AKAP9: variants seen among roughly 807,000 people sequenced by gnomAD.
AKAP9 encodes A-kinase anchor protein 9.
A neutral mutation model predicts 488.5 loss-of-function variants in AKAP9; 311 were observed. The ratio of observed to expected loss-of-function variants is 0.64; its 90% CI spans 0.58 to 0.70. The LOEUF is 0.70. AKAP9 is among the 30% of genes least tolerant of loss of function. The probability of loss-of-function intolerance (pLI) is 0.00; values close to 1 mark genes in which losing one functional copy is unlikely to be tolerated. For missense variants in AKAP9, 4,215 were observed against 4,374.5 expected (o/e 0.96, Z 1.03); for synonymous variants, 1,462 against 1,483.5 (o/e 0.99, Z 0.33).
intron 8 of AKAP9, among the ~76,000 whole-genome samples, chr7:92,006,664 A>G (rs1331787789): frequency 6.6e-6 from 1 of 152,168 alleles, no homozygotes; most frequent in African/African-American, 2.4e-5. Context: ...CAGCCTAAAT[A>G]TGCTTGAAAT....
intron 21 of AKAP9, among the ~76,000 whole-genome samples, chr7:92,051,423 G>A (rs947473383): frequency 6.6e-6 from 1 of 152,198 alleles, no homozygotes; most frequent in African/African-American, 2.4e-5. Flanking sequence ...TAGCTGATGT[G>A]TTTTTTACTT....
chr7:91,994,610 TTTTC>T lies in AKAP9; in HGVS notation c.577-6_577-3del. 6.2e-7 allele frequency: 1 copy of T among 1,608,276 alleles called. No individual in the cohort carries two copies. The highest frequency in any genetic ancestry group is 8.5e-7 in the Non-Finnish European group (1 of 1,176,892). Reference sequence around the variant, plus strand: ...AAAAAAATAAATCTAGCACTTACTATTTTCTTTCAGTTACAAGAATTTGAAGCTG... The same window carrying T: ...AAAAAAATAAATCTAGCACTTACTATTTTCAGTTACAAGAATTTGAAGCTG... On this transcript the variant is annotated splice_region_variant and splice_polypyrimidine_tract_variant and intron_variant, in intron 5 of 49. Transcript: ENST00000356239.
rs1479736694 is a variant in AKAP9, at chr7:92,012,524, A to G, written c.3414A>G (p.Glu1138=). ...AGGTTCGTGAATATATGGAAAATGA[A>G]AAAGATAAAGCTCTTTGCAGTCTTA... ...VDQVREYMEN[E]KDKALCSLKE... is the part of the protein sequence containing the mutation. The change falls in exon 9 of 50, where the codon GAA becomes GAG. Residue 1138 remains glutamate (E), a synonymous_variant. Coordinates refer to ENST00000356239, the MANE Select transcript of AKAP9 (RefSeq NM_005751.5). The G allele has an allele frequency of 6.2e-7, 1 of 1,614,074 alleles. No individual in the cohort carries two copies. Among genetic ancestry groups the G allele is most frequent in the Non-Finnish European group, 8.5e-7 (1 of 1,179,954 alleles).
rs758715745 is a variant in AKAP9 at position 92,012,417 on chromosome 7, G to A, written c.3319-12G>A. The stretch of plus-strand genomic sequence containing the variant: ...TAAGAATATTATAATGTTTACATAT[G>A]TTTACTTTAAGAATGATTTAAGGCT... On this transcript the variant is annotated splice_polypyrimidine_tract_variant and intron_variant, in intron 8 of 49. Transcript: ENST00000356239. The A allele has an allele frequency of 1.2e-6, 2 of 1,604,478 alleles. No individual in the cohort carries two copies. Among genetic ancestry groups the A allele is most frequent in the East Asian group, 2.2e-5 (1 of 44,780 alleles).
At chr7:92,085,076 A>G in intron 35 of AKAP9, 136 bp downstream of exon 35, 2 of 961,504 alleles carry the variant, frequency 2.1e-6, no homozygotes, top group Non-Finnish European at 3.2e-6. Context: ...TGAGAGATCT[A>G]TTTTATTTCC....
In AKAP9 at chr7:92,072,984, T is replaced by C. The variant is rs574359213; in HGVS notation, c.6612+1975T>C. Among the ~76,000 whole-genome samples the C allele has an allele frequency of 1.7e-3, 266 of 152,286 alleles. 1 individual carries two copies. Among genetic ancestry groups the C allele is most frequent in the Non-Finnish European group, 2.6e-3 (178 of 68,030 alleles). ...TGAAAAGGAGTTCCTCTCAGATTTCTGTGAGTCTGAAGCCCTTGTGATACT... is the reference window on the plus strand; with the variant it reads ...TGAAAAGGAGTTCCTCTCAGATTTCCGTGAGTCTGAAGCCCTTGTGATACT... On this transcript the variant is annotated intron_variant, in intron 28 of 49. Transcript: ENST00000356239.
Position 92,001,826 on chromosome 7 carries a change from C to T in AKAP9, c.1909C>T (p.Leu637Phe). 1.2e-6 allele frequency: 2 copies of T among 1,613,352 alleles called. No individual in the cohort carries two copies. The highest frequency in any genetic ancestry group is 1.7e-6 in the Non-Finnish European group (2 of 1,179,592). ...GCTTCTATTTAGTCACGAAGAAGAGCTTTCCAAACTGAAGGAAGATTTAGA... is the reference window on the plus strand; with the variant it reads ...GCTTCTATTTAGTCACGAAGAAGAGTTTTCCAAACTGAAGGAAGATTTAGA... Reference protein sequence around the residue: ...TQLLFSHEEELSKLKEDLEIE... With the variant: ...TQLLFSHEEEFSKLKEDLEIE... Residue 637 changes from leucine (L) to phenylalanine (F), a missense_variant, in exon 8 of 50, where the codon CTT (leucine) becomes TTT (phenylalanine). By Grantham distance (22) the Leu-to-Phe change is conservative. Around this residue, in one of 5 missense-constraint regions of AKAP9, gnomAD observed 2,361 missense variants for 2,430.0 expected, o/e 0.97. Coordinates refer to ENST00000356239, the MANE Select transcript of AKAP9 (RefSeq NM_005751.5).
In AKAP9 at chr7:92,096,769, G is replaced by A. The variant is rs200902686; in HGVS notation, c.9810G>A (p.Leu3270=). The change falls in exon 41 of 50, where the codon CTG becomes CTA. Residue 3270 remains leucine (L), a synonymous_variant. Transcript: ENST00000356239. The part of the protein sequence containing the change: ...NLLLEQQKQL[L]NESQQKIESQ... ...TTTTGGAACAACAGAAACAACTACTGAACGAATCCCAGCAAAAAATAGAAT... is the reference window on the plus strand; with the variant it reads ...TTTTGGAACAACAGAAACAACTACTAAACGAATCCCAGCAAAAAATAGAAT... The A allele has an allele frequency of 6.2e-7, 1 of 1,614,192 alleles. No homozygotes were observed. The highest frequency in any genetic ancestry group is 1.3e-5 in the African/African-American group (1 of 75,038).
At chr7:92,024,490 G>A (rs561033272) in intron 14 of AKAP9, among the ~76,000 whole-genome samples, 1 of 150,530 alleles carries the variant, frequency 6.6e-6, no homozygotes, top group Admixed American at 6.6e-5. Context: ...ATTTGGAGGG[G>A]GTAGATTCAT....
chr7:92,017,782 A>T (rs954579991), intron 12 of AKAP9, among the ~76,000 whole-genome samples: 2 of 151,888 alleles, frequency 1.3e-5, no homozygotes, highest in African/African-American at 4.8e-5. Flanking sequence ...CTTCCTCTCC[A>T]TCTCTCTCCC....
At chr7:92,082,866 A>T (rs757098405) in intron 32 of AKAP9, among the ~76,000 whole-genome samples, 19 of 152,162 alleles carry the variant, frequency 1.2e-4, no homozygotes, top group Non-Finnish European at 2.8e-4. Context: ...CTTTCTTAGG[A>T]GGATACTTTT....
chr7:92,065,206 C>A, intron 24 of AKAP9, 25 bp from the exon 25 acceptor site: 2 of 1,409,280 alleles, frequency 1.4e-6, no homozygotes, highest in South Asian at 1.2e-5. Context: ...TGATTTAATT[C>A]AGTATATTTT....
Position 92,042,843 on chromosome 7 carries a change from T to A in AKAP9, c.5162+72T>A, listed in dbSNP as rs544133340. On this transcript the variant is annotated intron_variant, in intron 20 of 49. Coordinates refer to ENST00000356239, the MANE Select transcript of AKAP9 (RefSeq NM_005751.5). The stretch of plus-strand genomic sequence containing the variant: ...TGTTTCAATGTAATAGACTTTGTCC[T>A]TATTTTTATCTTGTACATTGATACT... 1.6e-3 allele frequency: 1,660 copies of A among 1,058,064 alleles called. 3 individuals carry two copies. Among genetic ancestry groups the A allele is most frequent in the Non-Finnish European group, 1.4e-3 (982 of 686,728 alleles). 65.5% of individuals were successfully genotyped at this position (1,058,064 alleles called of 1,614,324 possible). A position where few individuals can be genotyped will look rare whatever the true frequency, so the allele number is the denominator to read the frequency against.
At chr7:92,076,616 C>T (rs1812629544) in intron 28 of AKAP9, among the ~76,000 whole-genome samples, 1 of 152,208 alleles carries the variant, frequency 6.6e-6, no homozygotes, top group Non-Finnish European at 1.5e-5. Flanking sequence ...TTTTATCCTT[C>T]CTCAGGAGGT....
intron 12 of AKAP9, among the ~76,000 whole-genome samples, chr7:92,018,707 C>A (rs1009996841): frequency 5.3e-5 from 8 of 152,098 alleles, no homozygotes; most frequent in Non-Finnish European, 1.0e-4. Context: ...CTTTTCAAGC[C>A]TCCATTTTGG....
At chr7:92,055,555 A>G (rs1808653973) in intron 22 of AKAP9, among the ~76,000 whole-genome samples, 1 of 152,118 alleles carries the variant, frequency 6.6e-6, no homozygotes, top group Non-Finnish European at 1.5e-5. Context: ...TATTTTGTTT[A>G]GGAAACAACT....
chr7:92,108,803 A>G (rs538162533), intron 49 of AKAP9, 170 bp downstream of exon 49: 7 of 802,876 alleles, frequency 8.7e-6, no homozygotes, highest in South Asian at 7.6e-5. Context: ...AGAGAAACTG[A>G]CTTTAAATAA....
chr7:92,017,188 T>G, intron 12 of AKAP9, 86 bp downstream of exon 12: 2 of 1,025,356 alleles, frequency 2.0e-6, no homozygotes, highest in African/African-American at 3.2e-5. Context: ...ACCAAGAATT[T>G]CTAAAGTAAG....
At chr7:91,983,210 C>A (rs182690563) in intron 3 of AKAP9, among the ~76,000 whole-genome samples, 1 of 152,214 alleles carries the variant, frequency 6.6e-6, no homozygotes, top group African/African-American at 2.4e-5. Flanking sequence ...CTGCCCGCCA[C>A]CCCACGACAG....
Sources: gnomAD v4.1 joint callset for allele counts (sites outside exome capture counted in the v4.1 genomes callset) on GRCh38, gnomAD v4.1.1 for gene constraint, gnomAD v4.1.1 regional missense constraint, MANE v1.5 for transcripts, NCBI Gene and HGNC (gene_info 2026-07-23, HGNC 2026-07-21) for gene names.